The following PFKP variants were observed in gnomAD, a reference collection of about 807,000 sequenced individuals.
PFKP encodes phosphofructokinase, platelet.
PFKP carries 101 observed loss-of-function variants against 94.3 expected under a neutral mutation model. The ratio of observed to expected loss-of-function variants is 1.07; its 90% CI spans 0.91 to 1.26. The LOEUF is 1.26. Among genes scored for constraint, PFKP ranks in the 50% most tolerant of loss-of-function variants. PFKP has a pLI of 0.00. For synonymous variants in PFKP, 573 were observed against 432.6 expected (o/e 1.32, Z -4.03); for missense variants, 1,145 against 1,103.3 (o/e 1.04, Z -0.53).
At chr10:3,128,850 C>T (rs1001909726) in intron 16 of PFKP, among the ~76,000 whole-genome samples, 10 of 152,170 alleles carry the variant, frequency 6.6e-5, no homozygotes, top group South Asian at 2.1e-4. Context: ...ACCACTGTGC[C>T]GGAATGTGAT....
chr10:3,109,746 C>T (rs1473026412), intron 10 of PFKP, among the ~76,000 whole-genome samples: 1 of 152,164 alleles, frequency 6.6e-6, no homozygotes, highest in Non-Finnish European at 1.5e-5. Context: ...GAGTGGGGGT[C>T]TAGAGCATCG....
intron 16 of PFKP, among the ~76,000 whole-genome samples, chr10:3,127,053 C>T (rs531373246): frequency 5.9e-5 from 9 of 152,392 alleles, no homozygotes; most frequent in East Asian, 5.8e-4. Flanking sequence ...GGCAGGGCCG[C>T]GCTTGGGATC....
At chr10:3,072,096 T>G (rs113204860) in intron 1 of PFKP, among the ~76,000 whole-genome samples, 5,947 of 152,330 alleles carry the variant, frequency 0.039, 184 homozygotes, top group Non-Finnish European at 0.056. Context: ...CTGCCTGGAA[T>G]CTCCACTGAG....
At chr10:3,110,060 C>T (rs577870815) in intron 10 of PFKP, among the ~76,000 whole-genome samples, 1 of 152,266 alleles carries the variant, frequency 6.6e-6, no homozygotes, top group African/African-American at 2.4e-5. Context: ...GCTCTGGTCA[C>T]CCGAAGATAC....
intron 3 of PFKP, chr10:3,100,773 A>G (rs940129741): frequency 4.5e-5 from 25 of 555,060 alleles, no homozygotes; most frequent in Admixed American, 9.2e-5. Context: ...AGTGTGACGA[A>G]TCATGATCTA....
rs781428578 is a variant in PFKP, at chr10:3,134,561, C to T, written c.2101C>T (p.Leu701Phe). Residue 701 changes from leucine (L) to phenylalanine (F), a missense_variant, in exon 20 of 22, where the codon CTC becomes TTC. This residue lies in a region of PFKP where 1,119 missense variants were observed against 1,062.8 expected (regional missense o/e 1.05). Coordinates refer to ENST00000381125, the MANE Select transcript of PFKP (RefSeq NM_002627.5). ...AGCTATGGAGTGGATCACTGCAAAA[C>T]TCAAGGAGGCCCGGGGCAGAGGTAA... ...ARAMEWITAKLKEARGRGKKF... is the reference protein window; with the variant it reads ...ARAMEWITAKFKEARGRGKKF... The T allele has an allele frequency of 6.2e-7, 1 of 1,613,256 alleles. No homozygotes were observed. The highest frequency in any genetic ancestry group is 1.3e-5 in the African/African-American group (1 of 74,920).
chr10:3,128,133 A>T (rs999099377), intron 16 of PFKP, among the ~76,000 whole-genome samples: 1 of 152,144 alleles, frequency 6.6e-6, no homozygotes, highest in African/African-American at 2.4e-5. Flanking sequence ...TACCATGCTT[A>T]TGTCATTCAG....
Position 3,082,444 on chromosome 10 carries a change from G to A in PFKP, c.169G>A (p.Val57Met). Residue 57 changes from valine (V) to methionine (M), a missense_variant, in exon 2 of 22, where the codon GTG (valine) becomes ATG (methionine). By Grantham distance (21) the Val-to-Met change is conservative (BLOSUM62 1). Around this residue, in one of 3 missense-constraint regions of PFKP, gnomAD observed 1,119 missense variants for 1,062.8 expected, o/e 1.05. Coordinates refer to ENST00000381125, the MANE Select transcript of PFKP (RefSeq NM_002627.5). Reference protein sequence around the residue: ...VRMGIYVGAKVYFIYEGYQGM... With the variant: ...VRMGIYVGAKMYFIYEGYQGM... ...CATGGGTATCTACGTGGGGGCCAAG[G>A]TGTACTTCATCTACGAGGTCAGTGT... 1 of 1,606,154 alleles carries A rather than the reference G, an allele frequency of 6.2e-7. No individual in the cohort carries two copies. Among genetic ancestry groups the A allele is most frequent in the Non-Finnish European group, 8.5e-7 (1 of 1,174,922 alleles).
chr10:3,103,311 CT>C (rs762528054), intron 4 of PFKP, among the ~76,000 whole-genome samples: 11 of 152,202 alleles, frequency 7.2e-5, no homozygotes, highest in Non-Finnish European at 1.3e-4. Flanking sequence ...TCTGGCTTCT[CT>C]TTCCTTAACT....
chr10:3,132,430 C>T lies in PFKP; in HGVS notation c.1899C>T (p.Gly633=). Residue 633 remains glycine, a synonymous_variant, in exon 18 of 22, where the codon GGC becomes GGT. Coordinates refer to ENST00000381125, the MANE Select transcript of PFKP (RefSeq NM_002627.5). ...TEKMKTTIQR[G]LVLRNESCSE... ...AAATGAAGACCACCATCCAGAGAGG[C>T]CTTGTGCTCAGGTGAGAGAGAGAGA... 1 of 1,609,694 alleles carries T rather than the reference C, an allele frequency of 6.2e-7. No homozygotes were observed. The highest frequency in any genetic ancestry group is 8.5e-7 in the Non-Finnish European group (1 of 1,175,982).
chr10:3,134,664 A>G, intron 20 of PFKP, 82 bp downstream of exon 20: 1 of 865,872 alleles, frequency 1.2e-6, no homozygotes, highest in South Asian at 1.4e-5. Context: ...ATCGGGGAGA[A>G]GTAGGGTGCT....
rs939954955 is a variant in PFKP at position 3,082,523 on chromosome 10, C to T, written c.186+62C>T. ...CCACCTGCCCAGAGCCCTGCAGTCA[C>T]CGGCGCTCGCTCACCCCTGCCTCCC... On this transcript the variant is annotated intron_variant, in intron 2 of 21. Transcript: ENST00000381125. 1.9e-5 allele frequency: 23 copies of T among 1,213,774 alleles called. No homozygotes were observed. The Admixed American group carries it at 4.5e-4, about 24-fold the overall frequency. The allele number at this position is 1,213,774 out of a possible 1,614,324, so 75.2% of individuals were successfully genotyped here.
chr10:3,135,017 TA>T (rs1432966343), intron 20 of PFKP, among the ~76,000 whole-genome samples: 8 of 151,826 alleles, frequency 5.3e-5, no homozygotes, highest in African/African-American at 1.9e-4. Context: ...TGCATGTTCG[TA>T]GAACTGTGCA....
chr10:3,111,193 A>G (rs77950658), intron 10 of PFKP, among the ~76,000 whole-genome samples: 1 of 149,868 alleles, frequency 6.7e-6, no homozygotes, highest in Non-Finnish European at 1.5e-5. Flanking sequence ...TGTGAGAGGT[A>G]GTATGTGCCT....
At chr10:3,120,094 G>T in intron 16 of PFKP, 50 bp downstream of exon 16, 1 of 1,579,832 alleles carries the variant, frequency 6.3e-7, no homozygotes. Context: ...CGCTAACCCC[G>T]GGGCCCCGGC....
intron 20 of PFKP, among the ~76,000 whole-genome samples, chr10:3,135,456 G>A (rs937839957): frequency 2.0e-5 from 3 of 152,100 alleles, no homozygotes; most frequent in East Asian, 1.9e-4. Context: ...TGTAATTTAA[G>A]CTAATTTCCC....
chr10:3,125,335 A>T (rs898953966), intron 16 of PFKP: 1 of 949,044 alleles, frequency 1.1e-6, no homozygotes, highest in Non-Finnish European at 1.4e-6. Context: ...AGCCGGATTT[A>T]TTCTTCTTCT....
rs779469917 is a variant in PFKP, at chr10:3,103,783, G to C, written c.459G>C (p.Gln153His). The C allele has an allele frequency of 1.6e-4, 252 of 1,613,784 alleles. No homozygotes were observed. The highest frequency in any genetic ancestry group is 1.8e-4 in the Non-Finnish European group (216 of 1,180,056). ...TGCTGTTTGCTCCCCGCGCAGGCCA[G>C]ATCGATAAGGAGGCCGTGCAGAAGT... ...GLLEELARNG[Q>H]IDKEAVQKYA... is the part of the protein sequence containing the mutation. Residue 153 changes from glutamine (Q) to histidine (H), a missense_variant, in exon 5 of 22, where the codon CAG becomes CAC. By Grantham distance (24) the Gln-to-His change is conservative. This residue lies in a region of PFKP where 1,119 missense variants were observed against 1,062.8 expected (regional missense o/e 1.05). Coordinates refer to ENST00000381125, the MANE Select transcript of PFKP (RefSeq NM_002627.5).
chr10:3,068,479 C>T (rs1234756294), intron 1 of PFKP: 1 of 172,124 alleles, frequency 5.8e-6, no homozygotes, highest in Non-Finnish European at 1.2e-5. Context: ...CGCCAGCCTC[C>T]GCAGACGGGA....
Sources: allele counts gnomAD v4.1 joint callset (sites outside exome capture counted in the v4.1 genomes callset), GRCh38; gene constraint gnomAD v4.1.1; regional missense constraint gnomAD v4.1.1; transcripts MANE v1.5; gene names NCBI Gene and HGNC (gene_info 2026-07-23, HGNC 2026-07-21).